The following RAD51C variants were observed in gnomAD, a reference collection of about 807,000 sequenced individuals.
RAD51C encodes the protein DNA repair protein RAD51 homolog 3.
A neutral mutation model predicts 45.0 loss-of-function variants in RAD51C; 42 were observed. That is an observed-to-expected ratio of 0.93 (90% CI 0.73 to 1.21). The LOEUF is 1.21. Among genes scored for constraint, RAD51C ranks in the 50% most tolerant of loss-of-function variants. The pLI is 0.00. For synonymous variants in RAD51C, 172 were observed against 159.8 expected, an observed-to-expected ratio of 1.08 and a Z score of -0.58; for missense variants, 474 against 452.2, an observed-to-expected ratio of 1.05 and a Z score of -0.44.
At position 58,734,508 on chromosome 17, in the gene RAD51C, T is replaced by C; in HGVS notation, c.*286T>C. On this transcript the variant is annotated 3_prime_UTR_variant, in exon 9 of 9. Transcript: ENST00000337432. ...TGATCTCATGTGGCCAGTCTGAATTTACCATTCATACTGTTTTCACCCCTT... is the reference window on the plus strand; with the variant it reads ...TGATCTCATGTGGCCAGTCTGAATTCACCATTCATACTGTTTTCACCCCTT... 2.1e-6 allele frequency: 1 copy of C among 467,850 alleles called. No individual in the cohort carries two copies. The highest frequency in any genetic ancestry group is 3.8e-6 in the Non-Finnish European group (1 of 263,254). The allele number at this position is 467,850 out of a possible 1,614,324, so 29.0% of individuals were successfully genotyped here. A position where few individuals can be genotyped will look rare whatever the true frequency, so the allele number is the denominator to read the frequency against.
At chr17:58,710,397 C>G (rs2048519461) in intron 5 of RAD51C, among the ~76,000 whole-genome samples, 1 of 146,684 alleles carries the variant, frequency 6.8e-6, no homozygotes, top group Non-Finnish European at 1.5e-5. Flanking sequence ...ACTCGGGAGG[C>G]TGAGGTAGGA....
chr17:58,720,231 G>C (rs922728919), intron 5 of RAD51C, among the ~76,000 whole-genome samples: 1 of 149,864 alleles, frequency 6.7e-6, no homozygotes, highest in Non-Finnish European at 1.5e-5. Flanking sequence ...GACTAACACG[G>C]TGAAACCCCG....
chr17:58,701,689 G>C (rs2048217387), intron 3 of RAD51C, among the ~76,000 whole-genome samples: 1 of 150,242 alleles, frequency 6.7e-6, no homozygotes, highest in Non-Finnish European at 1.5e-5. Context: ...TCCTGCCTCA[G>C]CCTCCCGAGT....
At chr17:58,730,432 C>T (rs2049375421) in intron 7 of RAD51C, among the ~76,000 whole-genome samples, 1 of 151,962 alleles carries the variant, frequency 6.6e-6, no homozygotes, top group Non-Finnish European at 1.5e-5. Context: ...CTGCCTCAGC[C>T]TCCCAAAGTG....
At chr17:58,708,704 G>A (rs555974960) in intron 4 of RAD51C, among the ~76,000 whole-genome samples, 1 of 151,574 alleles carries the variant, frequency 6.6e-6, no homozygotes, top group African/African-American at 2.4e-5. Flanking sequence ...TTTGCTTTGG[G>A]GGGGGCTTTC....
chr17:58,708,772 G>A (rs796398043), intron 4 of RAD51C, among the ~76,000 whole-genome samples: 7 of 151,636 alleles, frequency 4.6e-5, no homozygotes, highest in Admixed American at 2.0e-4. Flanking sequence ...GTTTCACCAC[G>A]TTGGCCAGGC....
At chr17:58,717,078 C>G (rs978778911) in intron 5 of RAD51C, among the ~76,000 whole-genome samples, 8 of 151,286 alleles carry the variant, frequency 5.3e-5, no homozygotes, top group African/African-American at 1.9e-4. Context: ...GGATTACAGT[C>G]GTGAGCCACC....
At chr17:58,698,362 T>G (rs1284615490) in intron 3 of RAD51C, among the ~76,000 whole-genome samples, 1 of 151,692 alleles carries the variant, frequency 6.6e-6, no homozygotes, top group South Asian at 2.1e-4. Context: ...TTTTTTGTAT[T>G]TTTAGTAGAG....
intron 5 of RAD51C, among the ~76,000 whole-genome samples, chr17:58,714,545 G>A (rs929333094): frequency 1.2e-4 from 19 of 152,136 alleles, no homozygotes; most frequent in African/African-American, 4.6e-4. Context: ...TGCAACCTGT[G>A]CCTCCTGGGT....
At chr17:58,721,683 T>TGG (rs2048922376) in intron 6 of RAD51C, among the ~76,000 whole-genome samples, 1 of 151,040 alleles carries the variant, frequency 6.6e-6, no homozygotes, top group South Asian at 2.1e-4. Flanking sequence ...CGCTTGAACC[T>TGG]GGGGGGCAGA....
intron 5 of RAD51C, among the ~76,000 whole-genome samples, chr17:58,712,455 A>G (rs2048591255): frequency 6.6e-6 from 1 of 152,054 alleles, no homozygotes; most frequent in Non-Finnish European, 1.5e-5. Flanking sequence ...TTACTCAGAG[A>G]TTGTGTAAAT....
At chr17:58,706,609 G>A (rs1285854065) in intron 4 of RAD51C, 3 of 406,654 alleles carry the variant, frequency 7.4e-6, no homozygotes, top group Non-Finnish European at 1.0e-5. Flanking sequence ...TGGGCTTATG[G>A]TAAGAGTGAC....
At chr17:58,712,396 A>C in intron 5 of RAD51C, among the ~76,000 whole-genome samples, 1 of 151,168 alleles carries the variant, frequency 6.6e-6, no homozygotes, top group East Asian at 1.9e-4. Context: ...CTTTTTGTAA[A>C]AGAAAAAAAA....
In RAD51C at chr17:58,720,422, A is replaced by T. The variant is rs537221332; in HGVS notation, c.838-324A>T. ...CTGAGCGAGACTCTGTCTCAAAAAA[A>T]AAAATAAAATAAAAAATAAAATCAC... On this transcript the variant is annotated intron_variant, in intron 5 of 8. Transcript: ENST00000337432. Among the ~76,000 whole-genome samples, 36 of 146,670 alleles carry T rather than the reference A, an allele frequency of 2.5e-4. No homozygotes were observed. The South Asian group carries it at 3.2e-3, about 13-fold the overall frequency.
chr17:58,700,923 G>T (rs1325035379), intron 3 of RAD51C, among the ~76,000 whole-genome samples: 1 of 151,970 alleles, frequency 6.6e-6, no homozygotes, highest in African/African-American at 2.4e-5. Flanking sequence ...GTGAAACAGG[G>T]TCTCACTTTG....
intron 4 of RAD51C, among the ~76,000 whole-genome samples, chr17:58,705,428 G>T (rs2048347058): frequency 6.6e-6 from 1 of 151,848 alleles, no homozygotes; most frequent in South Asian, 2.1e-4. Context: ...CCACCTCCCG[G>T]ATTCAAGCGA....
At chr17:58,705,839 C>T (rs2048362849) in intron 4 of RAD51C, 1 of 150,874 alleles carries the variant, frequency 6.6e-6, no homozygotes, top group Non-Finnish European at 1.5e-5. Context: ...ACCTGCCCGC[C>T]AAATTCATGT....
At position 58,734,158 on chromosome 17, in the gene RAD51C, C is replaced by G. The variant is rs773843495; in HGVS notation, c.1067C>G (p.Ser356Ter). The G allele has an allele frequency of 6.2e-7, 1 of 1,613,676 alleles. No individual in the cohort carries two copies. Among genetic ancestry groups the G allele is most frequent in the Non-Finnish European group, 8.5e-7 (1 of 1,179,796 alleles). The change falls in exon 9 of 9, where the codon TCA (serine) becomes TGA (stop). Residue 356 changes from serine to a stop codon, truncating the protein, a stop_gained. Coordinates refer to ENST00000337432, the MANE Select transcript of RAD51C (RefSeq NM_058216.3). LOFTEE classifies it high-confidence loss of function. ...FRDTVVTSAC[S>*]LQTEGSLSTR... ...GATACTGTTGTTACTTCTGCATGTT[C>G]ATTGCAAACAGAAGGTTCCTTGAGC...
chr17:58,730,232 T>G (rs1340120836), intron 7 of RAD51C, among the ~76,000 whole-genome samples: 2 of 149,774 alleles, frequency 1.3e-5, no homozygotes, highest in African/African-American at 2.5e-5. Flanking sequence ...AGGCACGATC[T>G]CGGCTCACTG....
Sources: allele counts gnomAD v4.1 joint callset (sites outside exome capture counted in the v4.1 genomes callset), GRCh38; gene constraint gnomAD v4.1.1; transcripts MANE v1.5; gene names NCBI Gene and HGNC (gene_info 2026-07-23, HGNC 2026-07-21).